CAMK1D: variants seen among roughly 807,000 people sequenced by gnomAD.
The protein encoded by CAMK1D is calcium/calmodulin-dependent protein kinase type 1D.
Under a neutral mutation model 47.7 loss-of-function variants are expected in CAMK1D, and 9 were observed. The observed-to-expected ratio is 0.19, with a 90% confidence interval of 0.11 to 0.33. The LOEUF is 0.33. CAMK1D is among the 10% of genes least tolerant of loss of function. The probability of loss-of-function intolerance (pLI) is 1.00; values close to 1 mark genes in which losing one functional copy is unlikely to be tolerated. For missense variants in CAMK1D, 291 were observed against 488.7 expected, an observed-to-expected ratio of 0.60 and a Z score of 3.81; for synonymous variants, 184 against 184.9, an observed-to-expected ratio of 0.99 and a Z score of 0.04.
chr10:12,432,312 A>G (rs906769866), intron 1 of CAMK1D, among the ~76,000 whole-genome samples: 1 of 152,230 alleles, frequency 6.6e-6, no homozygotes, highest in Non-Finnish European at 1.5e-5. Flanking sequence ...CTTCGTTTGC[A>G]GGAAACTTAG....
intron 1 of CAMK1D, among the ~76,000 whole-genome samples, chr10:12,482,217 T>C (rs890258926): frequency 1.4e-4 from 22 of 152,170 alleles, no homozygotes; most frequent in African/African-American, 4.8e-4. Context: ...CTCCTCTCCT[T>C]TCTTCACCCC....
intron 1 of CAMK1D, among the ~76,000 whole-genome samples, chr10:12,388,445 T>C (rs1838601445): frequency 6.6e-6 from 1 of 152,176 alleles, no homozygotes; most frequent in Admixed American, 6.5e-5. Context: ...AATAAGAGTG[T>C]CGAGGTTTAG....
At chr10:12,683,889 T>G (rs765609969) in intron 3 of CAMK1D, among the ~76,000 whole-genome samples, 1 of 151,964 alleles carries the variant, frequency 6.6e-6, no homozygotes, top group Non-Finnish European at 1.5e-5. Context: ...ACTAAGCAAA[T>G]GAGACTGAAA....
intron 3 of CAMK1D, among the ~76,000 whole-genome samples, chr10:12,741,693 G>T (rs1434780107): frequency 1.3e-5 from 2 of 152,184 alleles, no homozygotes; most frequent in Non-Finnish European, 2.9e-5. Flanking sequence ...TTGGGAGCAG[G>T]TGGTTTTCTT....
At chr10:12,574,797 G>A (rs1837441248) in intron 2 of CAMK1D, among the ~76,000 whole-genome samples, 1 of 152,180 alleles carries the variant, frequency 6.6e-6, no homozygotes, top group Admixed American at 6.5e-5. Flanking sequence ...GCCTCAGAAA[G>A]CTTCCAATCA....
At chr10:12,780,180 G>A (rs1837431455) in intron 5 of CAMK1D, among the ~76,000 whole-genome samples, 1 of 152,136 alleles carries the variant, frequency 6.6e-6, no homozygotes, top group Non-Finnish European at 1.5e-5. Context: ...TTGATGTGGG[G>A]CGTGGGATTA....
At chr10:12,614,722 T>C (rs1838730028) in intron 2 of CAMK1D, among the ~76,000 whole-genome samples, 1 of 152,184 alleles carries the variant, frequency 6.6e-6, no homozygotes, top group South Asian at 2.1e-4. Context: ...TACTCCAGGA[T>C]ATCTGGTTAC....
In CAMK1D at chr10:12,791,139, TTTC is replaced by T. The variant is rs1837961605; in HGVS notation, c.566-16_566-14del. Reference sequence around the variant, plus strand: ...GCATGTAAATTGTCAGGCTGTGTCTTTTCTTTGTCTTTCTGCAGCTCCTGAAGT... The same window carrying T: ...GCATGTAAATTGTCAGGCTGTGTCTTTTTGTCTTTCTGCAGCTCCTGAAGT... On this transcript the variant is annotated splice_polypyrimidine_tract_variant and intron_variant, in intron 5 of 10. Coordinates refer to ENST00000619168, the MANE Select transcript of CAMK1D (RefSeq NM_153498.4). 7 of 1,613,424 alleles carry T rather than the reference TTTC, an allele frequency of 4.3e-6. No individual in the cohort carries two copies. Among genetic ancestry groups the T allele is most frequent in the Non-Finnish European group, 5.9e-6 (7 of 1,179,502 alleles).
chr10:12,656,511 A>G (rs1840119747), intron 2 of CAMK1D, among the ~76,000 whole-genome samples: 1 of 152,130 alleles, frequency 6.6e-6, no homozygotes, highest in African/African-American at 2.4e-5. Flanking sequence ...AGAGAAAAGA[A>G]AAAAACCGCC....
chr10:12,373,327 AAG>A (rs1838060766), intron 1 of CAMK1D, among the ~76,000 whole-genome samples: 1 of 151,478 alleles, frequency 6.6e-6, no homozygotes. Flanking sequence ...AAAAAGAAAA[AAG>A]ATATTAAAAA....
intron 1 of CAMK1D, among the ~76,000 whole-genome samples, chr10:12,512,460 A>G (rs1835067870): frequency 6.6e-6 from 1 of 152,146 alleles, no homozygotes; most frequent in African/African-American, 2.4e-5. Flanking sequence ...CAGTGATGCA[A>G]TCTCGGCTCA....
intron 3 of CAMK1D, among the ~76,000 whole-genome samples, chr10:12,674,985 C>T (rs1205645579): frequency 1.4e-5 from 2 of 143,112 alleles, no homozygotes; most frequent in African/African-American, 5.2e-5. Context: ...AAGCTGAGAT[C>T]ACACCACTGC....
At chr10:12,751,697 C>T (rs1161302992) in intron 3 of CAMK1D, among the ~76,000 whole-genome samples, 5 of 152,118 alleles carry the variant, frequency 3.3e-5, no homozygotes, top group African/African-American at 7.2e-5. Context: ...TCTGTAGTAG[C>T]GACATTCAAG....
chr10:12,560,119 G>A (rs2768350), intron 2 of CAMK1D, among the ~76,000 whole-genome samples: 135,750 of 152,116 alleles, frequency 0.89, 60,966 homozygotes, highest in Non-Finnish European at 0.95. Context: ...AGGCTTTGAC[G>A]TCGATGAACT....
At chr10:12,825,542 TTGTC>T (rs1833170554) in intron 9 of CAMK1D, 27 bp from the exon 10 acceptor site, 2 of 1,599,658 alleles carry the variant, frequency 1.3e-6, no homozygotes, top group Non-Finnish European at 8.5e-7. Context: ...GCTGAAATAT[TTGTC>T]TGCTTTTTTC....
intron 1 of CAMK1D, among the ~76,000 whole-genome samples, chr10:12,421,996 A>G (rs1486562528): frequency 6.6e-6 from 1 of 151,824 alleles, no homozygotes; most frequent in Non-Finnish European, 1.5e-5. Flanking sequence ...TTTAGTAGAG[A>G]TGGGGTTTCA....
At chr10:12,539,838 A>G (rs184106516) in intron 1 of CAMK1D, among the ~76,000 whole-genome samples, 10 of 152,336 alleles carry the variant, frequency 6.6e-5, no homozygotes, top group Middle Eastern at 3.4e-3. Context: ...CATGGCCCAC[A>G]TGGACACTTT....
chr10:12,648,448 T>C (rs544064285), intron 2 of CAMK1D, among the ~76,000 whole-genome samples: 1 of 152,330 alleles, frequency 6.6e-6, no homozygotes, highest in Admixed American at 6.5e-5. Flanking sequence ...TCAGTGTCTT[T>C]CGCTTGCTAT....
At chr10:12,479,187 AT>A (rs981455344) in intron 1 of CAMK1D, among the ~76,000 whole-genome samples, 1 of 150,610 alleles carries the variant, frequency 6.6e-6, no homozygotes, top group African/African-American at 2.4e-5. Flanking sequence ...GAGAAGCTGC[AT>A]TTTTTTTTCT....
Sources: gnomAD v4.1 joint callset for allele counts (sites outside exome capture counted in the v4.1 genomes callset) on GRCh38, gnomAD v4.1.1 for gene constraint, MANE v1.5 for transcripts, NCBI Gene and HGNC (gene_info 2026-07-23, HGNC 2026-07-21) for gene names.